Variants in SLC35F1 observed in about 807,000 individuals in gnomAD.
SLC35F1 encodes the protein chromosome 6 open reading frame 169.
Under a neutral mutation model 48.7 loss-of-function variants are expected in SLC35F1, and 14 were observed. That is an observed-to-expected ratio of 0.29 (90% CI 0.19 to 0.45). The LOEUF (loss-of-function observed/expected upper bound fraction) is 0.45, where lower values mean the gene tolerates loss of function less well. SLC35F1 is among the 20% of genes least tolerant of loss of function. The probability of loss-of-function intolerance (pLI) is 1.00; values close to 1 mark genes in which losing one functional copy is unlikely to be tolerated. For synonymous variants in SLC35F1, 190 were observed against 202.2 expected (o/e 0.94, Z 0.51); for missense variants, 404 against 500.0 (o/e 0.81, Z 1.83).
chr6:118,149,481 C>T (rs1203471053), intron 1 of SLC35F1, among the ~76,000 whole-genome samples: 1 of 152,122 alleles, frequency 6.6e-6, no homozygotes, highest in Non-Finnish European at 1.5e-5. Flanking sequence ...AGAGTGTCAA[C>T]ATTTAGGCAT....
intron 1 of SLC35F1, among the ~76,000 whole-genome samples, chr6:118,090,749 G>T (rs1012207764): frequency 5.3e-5 from 8 of 152,096 alleles, no homozygotes; most frequent in African/African-American, 1.9e-4. Context: ...ATCAGTGGAG[G>T]TTTCAAACCA....
chr6:118,264,962 T>G (rs1001288848), intron 3 of SLC35F1, among the ~76,000 whole-genome samples: 35 of 152,226 alleles, frequency 2.3e-4, no homozygotes, highest in African/African-American at 8.4e-4. Flanking sequence ...ACCTCCTTCC[T>G]GTAGCCCCTC....
intron 2 of SLC35F1, among the ~76,000 whole-genome samples, chr6:118,210,110 A>G (rs1774983467): frequency 6.6e-6 from 1 of 152,326 alleles, no homozygotes; most frequent in Middle Eastern, 3.4e-3. Context: ...TTATGCAAAT[A>G]TGTGCCCCTT....
intron 1 of SLC35F1, among the ~76,000 whole-genome samples, chr6:117,955,029 A>G (rs1776411403): frequency 6.6e-6 from 1 of 152,228 alleles, no homozygotes; most frequent in Non-Finnish European, 1.5e-5. Context: ...ATGTATTCCT[A>G]GACTATTCCA....
intron 2 of SLC35F1, among the ~76,000 whole-genome samples, chr6:118,205,161 T>C (rs1045313120): frequency 1.1e-4 from 17 of 152,200 alleles, no homozygotes; most frequent in Admixed American, 3.9e-4. Context: ...AGGCAGCTCA[T>C]AGGACATTGC....
intron 1 of SLC35F1, among the ~76,000 whole-genome samples, chr6:117,967,792 A>G (rs547706139): frequency 2.6e-4 from 40 of 152,340 alleles, no homozygotes; most frequent in Non-Finnish European, 4.6e-4. Flanking sequence ...CCCAAAGGAC[A>G]TAGCTCTTTA....
chr6:117,963,573 GTTAATTGATGCTTT>G (rs1776523694), intron 1 of SLC35F1, among the ~76,000 whole-genome samples: 1 of 152,076 alleles, frequency 6.6e-6, no homozygotes, highest in Admixed American at 6.6e-5. Flanking sequence ...CCAAGAAACT[GTTAATTGATGCTTT>G]TTAAACTCCT....
intron 1 of SLC35F1, among the ~76,000 whole-genome samples, chr6:117,975,106 A>G (rs973076307): frequency 1.6e-4 from 25 of 152,328 alleles, no homozygotes; most frequent in African/African-American, 5.8e-4. Context: ...GAGTTTTGCA[A>G]TCTCCATTTA....
chr6:117,967,232 A>G (rs1328989176), intron 1 of SLC35F1, among the ~76,000 whole-genome samples: 3 of 152,232 alleles, frequency 2.0e-5, no homozygotes, highest in African/African-American at 4.8e-5. Flanking sequence ...AAAATTAACT[A>G]CAAAGCATGG....
intron 6 of SLC35F1, among the ~76,000 whole-genome samples, chr6:118,281,517 T>C (rs1775984676): frequency 6.6e-6 from 1 of 152,042 alleles, no homozygotes; most frequent in African/African-American, 2.4e-5. Flanking sequence ...TAGAGGGAGA[T>C]TGGAGGTGGG....
intron 1 of SLC35F1, among the ~76,000 whole-genome samples, chr6:118,067,702 TG>T (rs931837554): frequency 6.6e-6 from 1 of 151,930 alleles, no homozygotes; most frequent in Non-Finnish European, 1.5e-5. Context: ...CAATTAATGG[TG>T]GGGGTTTAAA....
chr6:118,142,056 A>C (rs146023039), intron 1 of SLC35F1, among the ~76,000 whole-genome samples: 3 of 152,330 alleles, frequency 2.0e-5, no homozygotes, highest in African/African-American at 7.2e-5. Flanking sequence ...TTTACATAGA[A>C]TATGAATTTA....
chr6:118,296,407 C>G (rs1776183936), intron 7 of SLC35F1, among the ~76,000 whole-genome samples: 1 of 152,182 alleles, frequency 6.6e-6, no homozygotes, highest in Non-Finnish European at 1.5e-5. Flanking sequence ...TTGGCCAAAA[C>G]TCAGTCACAT....
At chr6:118,043,209 A>T (rs1246033177) in intron 1 of SLC35F1, among the ~76,000 whole-genome samples, 1 of 152,174 alleles carries the variant, frequency 6.6e-6, no homozygotes, top group Non-Finnish European at 1.5e-5. Context: ...ATATTACAGA[A>T]TAAATAAAAA....
At chr6:118,259,929 C>T (rs1324362948) in intron 3 of SLC35F1, among the ~76,000 whole-genome samples, 5 of 152,004 alleles carry the variant, frequency 3.3e-5, no homozygotes, top group East Asian at 1.9e-4. Flanking sequence ...TGAAAATGTT[C>T]GTTGCAGTAT....
At chr6:118,027,496 A>G (rs373603014) in intron 1 of SLC35F1, among the ~76,000 whole-genome samples, 1 of 152,176 alleles carries the variant, frequency 6.6e-6, no homozygotes. Flanking sequence ...TAGGCTTGTA[A>G]TGGTATCTCA....
At chr6:118,206,491 A>T (rs1428925821) in intron 2 of SLC35F1, among the ~76,000 whole-genome samples, 1 of 152,212 alleles carries the variant, frequency 6.6e-6, no homozygotes, top group Non-Finnish European at 1.5e-5. Flanking sequence ...TTCAACATAA[A>T]ATCAGATTTT....
At chr6:118,120,739 A>T (rs1046097336) in intron 1 of SLC35F1, among the ~76,000 whole-genome samples, 3 of 152,200 alleles carry the variant, frequency 2.0e-5, no homozygotes, top group Non-Finnish European at 4.4e-5. Context: ...AACCCCAGGA[A>T]GGGTACAGTA....
In SLC35F1 at chr6:118,315,329, T is replaced by C. The variant is rs992505924; in HGVS notation, c.*1077T>C. On this transcript the variant is annotated 3_prime_UTR_variant, in exon 8 of 8. Transcript: ENST00000360388. ...GGAGCAGTCTTTGAAAATGGCTTAA[T>C]TGATTTGGCCACTTTGCAGTGGTAA... 2.6e-5 allele frequency: 4 copies of C among 152,604 alleles called. No individual in the cohort carries two copies. The highest frequency in any genetic ancestry group is 7.2e-5 in the African/African-American group (3 of 41,438). 9.5% of individuals were successfully genotyped at this position (152,604 alleles called of 1,614,324 possible).
Sources: allele counts gnomAD v4.1 joint callset (sites outside exome capture counted in the v4.1 genomes callset), GRCh38; gene constraint gnomAD v4.1.1; transcripts MANE v1.5; gene names NCBI Gene and HGNC (gene_info 2026-07-23, HGNC 2026-07-21).